The following LRRC4C variants were observed in gnomAD, a reference collection of about 807,000 sequenced individuals.
LRRC4C encodes the protein leucine-rich repeat-containing protein 4C.
Under a neutral mutation model 33.6 loss-of-function variants are expected in LRRC4C, and 5 were observed. The observed-to-expected ratio is 0.15, with a 90% CI of 0.08 to 0.31. The LOEUF (loss-of-function observed/expected upper bound fraction) is 0.31, where lower values mean the gene tolerates loss of function less well. Ranked by LOEUF, LRRC4C falls within the 10% of genes least tolerant of loss-of-function variation. The pLI, the probability that LRRC4C is intolerant of heterozygous loss-of-function variation, is 1.00. For synonymous variants in LRRC4C, 329 were observed against 302.0 expected (o/e 1.09, Z -0.93); for missense variants, 560 against 796.7 (o/e 0.70, Z 3.58).
At chr11:41,340,665 C>A (rs1405456263) in intron 1 of LRRC4C, among the ~76,000 whole-genome samples, 1 of 151,954 alleles carries the variant, frequency 6.6e-6, no homozygotes, top group Non-Finnish European at 1.5e-5. Context: ...GGTAATGGAG[C>A]CTAAGAAAAG....
At chr11:41,071,537 A>T (rs1938683985) in intron 1 of LRRC4C, among the ~76,000 whole-genome samples, 1 of 152,214 alleles carries the variant, frequency 6.6e-6, no homozygotes, top group Non-Finnish European at 1.5e-5. Context: ...AAAGCATGGT[A>T]TACTGAATAC....
chr11:41,422,175 T>G (rs2138332707), intron 1 of LRRC4C, among the ~76,000 whole-genome samples: 1 of 152,124 alleles, frequency 6.6e-6, no homozygotes, highest in South Asian at 2.1e-4. Flanking sequence ...CTATTGTCAT[T>G]GTTCTGCCTT....
At chr11:40,315,751 T>A (rs1031663471) in intron 4 of LRRC4C, among the ~76,000 whole-genome samples, 72 of 152,048 alleles carry the variant, frequency 4.7e-4, no homozygotes, top group African/African-American at 1.7e-3. Context: ...TGGCACATTT[T>A]AAAGACATTT....
intron 3 of LRRC4C, among the ~76,000 whole-genome samples, chr11:40,603,772 T>C (rs1960270811): frequency 6.6e-6 from 1 of 152,160 alleles, no homozygotes; most frequent in Non-Finnish European, 1.5e-5. Context: ...AGTTAAGTGA[T>C]AATCATATTC....
chr11:41,151,105 T>C (rs1943980920), intron 1 of LRRC4C, among the ~76,000 whole-genome samples: 1 of 152,040 alleles, frequency 6.6e-6, no homozygotes, highest in African/African-American at 2.4e-5. Context: ...TATATATACA[T>C]TCAAACAAAA....
At chr11:41,122,393 T>C (rs1048202378) in intron 1 of LRRC4C, among the ~76,000 whole-genome samples, 1 of 152,156 alleles carries the variant, frequency 6.6e-6, no homozygotes, top group Non-Finnish European at 1.5e-5. Context: ...AGTTTTGTCA[T>C]AACTCCTCTG....
At chr11:40,281,123 A>G (rs1174275695) in intron 4 of LRRC4C, among the ~76,000 whole-genome samples, 4 of 152,084 alleles carry the variant, frequency 2.6e-5, no homozygotes, top group Non-Finnish European at 4.4e-5. Context: ...AAAACATGTA[A>G]CTTCTGCTGG....
intron 1 of LRRC4C, among the ~76,000 whole-genome samples, chr11:41,198,430 T>C (rs1946271503): frequency 6.6e-6 from 1 of 152,096 alleles, no homozygotes; most frequent in Admixed American, 6.6e-5. Context: ...CTTTTATCAA[T>C]ATCAATATTT....
At chr11:40,501,560 C>T (rs1394020915) in intron 3 of LRRC4C, among the ~76,000 whole-genome samples, 1 of 152,220 alleles carries the variant, frequency 6.6e-6, no homozygotes, top group Non-Finnish European at 1.5e-5. Context: ...GCTGCCAAGG[C>T]TTGGGGCTTG....
chr11:41,097,712 A>G (rs1455124955), intron 1 of LRRC4C, among the ~76,000 whole-genome samples: 1 of 152,142 alleles, frequency 6.6e-6, no homozygotes, highest in African/African-American at 2.4e-5. Context: ...AGAGATTTAT[A>G]TATTTATTAT....
intron 1 of LRRC4C, among the ~76,000 whole-genome samples, chr11:41,027,773 G>A (rs1365555689): frequency 6.6e-6 from 1 of 151,574 alleles, no homozygotes; most frequent in Non-Finnish European, 1.5e-5. Context: ...TTTTGAATTT[G>A]CTATTTTAAT....
chr11:40,865,100 T>C (rs958999498), intron 2 of LRRC4C, among the ~76,000 whole-genome samples: 1 of 152,130 alleles, frequency 6.6e-6, no homozygotes, highest in African/African-American at 2.4e-5. Flanking sequence ...GCTAATTTCA[T>C]AAAAAAGGAA....
chr11:41,038,078 G>A (rs61877000), intron 1 of LRRC4C, among the ~76,000 whole-genome samples: 15,826 of 152,120 alleles, frequency 0.1, 985 homozygotes, highest in African/African-American at 0.17. Flanking sequence ...AAAAACACTG[G>A]GAATGGAATC....
At chr11:41,097,770 T>A (rs1940905515) in intron 1 of LRRC4C, among the ~76,000 whole-genome samples, 1 of 152,106 alleles carries the variant, frequency 6.6e-6, no homozygotes. Flanking sequence ...TTAACAACTT[T>A]CCCAAAGATG....
intron 3 of LRRC4C, among the ~76,000 whole-genome samples, chr11:40,526,652 T>C (rs1956063223): frequency 6.6e-6 from 1 of 152,138 alleles, no homozygotes; most frequent in Non-Finnish European, 1.5e-5. Context: ...CAGAAATATC[T>C]ACTAAAATAG....
intron 3 of LRRC4C, among the ~76,000 whole-genome samples, chr11:40,558,360 T>G (rs914328370): frequency 6.6e-6 from 1 of 152,230 alleles, no homozygotes; most frequent in Admixed American, 6.5e-5. Context: ...GCACAGTAAT[T>G]CTGAAAGTGT....
At chr11:41,153,224 C>T (rs112771960) in intron 1 of LRRC4C, among the ~76,000 whole-genome samples, 7 of 152,268 alleles carry the variant, frequency 4.6e-5, no homozygotes, top group African/African-American at 1.7e-4. Context: ...TATTAAATTA[C>T]ACCAAACTTT....
At chr11:41,343,781 T>C (rs760674617) in intron 1 of LRRC4C, among the ~76,000 whole-genome samples, 1 of 152,230 alleles carries the variant, frequency 6.6e-6, no homozygotes, top group Non-Finnish European at 1.5e-5. Context: ...ATGGAATGTT[T>C]TTCCAGGAAA....
At chr11:41,304,082 C>T (rs1249577839) in intron 1 of LRRC4C, among the ~76,000 whole-genome samples, 25 of 59,212 alleles carry the variant, frequency 4.2e-4, no homozygotes, top group East Asian at 3.1e-3. Context: ...CCACCCCGTC[C>T]GGGAGGTGAG....
Sources: gnomAD v4.1 joint callset for allele counts (sites outside exome capture counted in the v4.1 genomes callset) on GRCh38, gnomAD v4.1.1 for gene constraint, MANE v1.5 for transcripts, NCBI Gene and HGNC (gene_info 2026-07-23, HGNC 2026-07-21) for gene names.